The following ARPC1B variants were observed in gnomAD, a reference collection of about 807,000 sequenced individuals.
ARPC1B encodes actin-related protein 2/3 complex subunit 1B.
In ARPC1B, 29 loss-of-function variants were observed where a neutral mutation model predicts 46.0. The observed-to-expected ratio is 0.63, with a 90% CI of 0.47 to 0.86. The LOEUF (loss-of-function observed/expected upper bound fraction) is 0.86, where lower values mean the gene tolerates loss of function less well. Ranked by LOEUF, ARPC1B falls within the 40% of genes least tolerant of loss-of-function variation. The probability of loss-of-function intolerance (pLI) is 0.00; values close to 1 mark genes in which losing one functional copy is unlikely to be tolerated. For missense variants in ARPC1B, 469 were observed against 529.4 expected (o/e 0.89, Z 1.12); for synonymous variants, 201 against 213.9 (o/e 0.94, Z 0.53).
chr7:99,384,761 G>A (rs934947528), intron 1 of ARPC1B, among the ~76,000 whole-genome samples: 3 of 152,018 alleles, frequency 2.0e-5, no homozygotes, highest in South Asian at 2.1e-4. Flanking sequence ...CCTTCTCCCC[G>A]TCTGAGCAGT....
chr7:99,386,828 G>A (rs907646146), intron 3 of ARPC1B, 39 bp downstream of exon 3: 3 of 1,533,980 alleles, frequency 2.0e-6, no homozygotes, highest in Non-Finnish European at 1.8e-6. Flanking sequence ...CTGAAAGGAG[G>A]TGGTGGGTTG....
rs745690290 is a variant in ARPC1B, at chr7:99,388,190, C to A, written c.321C>A (p.Asn107Lys). 1 of 1,614,258 alleles carries A rather than the reference C, an allele frequency of 6.2e-7. No homozygotes were observed. Among genetic ancestry groups the A allele is most frequent in the Middle Eastern group, 1.6e-4 (1 of 6,062 alleles). ...CCCGCTGCGTGCGCTGGGCCCCCAA[C>A]GAGAACAAGTTTGCTGTGGGCAGCG... Reference protein sequence around the residue: ...RAARCVRWAPNENKFAVGSGS... With the variant: ...RAARCVRWAPKENKFAVGSGS... The change falls in exon 4 of 10, where the codon AAC becomes AAA. Residue 107 changes from asparagine (N) to lysine (K), a missense_variant. By Grantham distance (94) the Asn-to-Lys change is moderately conservative. Coordinates refer to ENST00000646101, the MANE Select transcript of ARPC1B (RefSeq NM_005720.4).
intron 1 of ARPC1B, among the ~76,000 whole-genome samples, chr7:99,380,735 T>A (rs1780663549): frequency 6.6e-6 from 1 of 152,174 alleles, no homozygotes; most frequent in Non-Finnish European, 1.5e-5. Context: ...ACAGCAAGAA[T>A]GTGACCACTG....
chr7:99,393,526 A>G (rs1204710709), intron 8 of ARPC1B, among the ~76,000 whole-genome samples: 2 of 151,880 alleles, frequency 1.3e-5, no homozygotes, highest in African/African-American at 4.8e-5. Context: ...GCAGCCTTCT[A>G]TGGATCTAGG....
At chr7:99,387,610 G>A (rs1490930192) in intron 3 of ARPC1B, among the ~76,000 whole-genome samples, 2 of 152,042 alleles carry the variant, frequency 1.3e-5, no homozygotes, top group Admixed American at 6.6e-5. Context: ...GATGGCGGGT[G>A]CCTGTAATCC....
In ARPC1B at chr7:99,378,841, A is replaced by G. The variant is rs1332875839; in HGVS notation, c.-14+4060A>G. Among the ~76,000 whole-genome samples the G allele has an allele frequency of 3.7e-5, 5 of 134,330 alleles. No individual in the cohort carries two copies. In the Admixed American group the frequency reaches 3.9e-4, roughly 10 times the overall value. 88.1% of individuals were successfully genotyped at this position (134,330 alleles called of 152,430 possible). The stretch of plus-strand genomic sequence containing the variant: ...CTCCAGGCTGGAGTGCAGTGGCGCA[A>G]TCTCGGCTCACTGCAAGCTCCGCCT... On this transcript the variant is annotated intron_variant, in intron 1 of 9. Coordinates refer to ENST00000646101, the MANE Select transcript of ARPC1B (RefSeq NM_005720.4).
chr7:99,394,634 G>C lies in ARPC1B; in HGVS notation c.*145G>C. On this transcript the variant is annotated 3_prime_UTR_variant, in exon 10 of 10. Transcript: ENST00000646101. The stretch of plus-strand genomic sequence containing the variant: ...TGCTCCCTCAAAAAGGGAGGGGACA[G>C]ATGGGGAGCTTTTCTTACCTATTCA... 1 of 1,457,440 alleles carries C rather than the reference G, an allele frequency of 6.9e-7. No individual in the cohort carries two copies. Among genetic ancestry groups the C allele is most frequent in the South Asian group, 1.4e-5 (1 of 70,460 alleles). 90.3% of individuals were successfully genotyped at this position (1,457,440 alleles called of 1,614,324 possible).
At chr7:99,377,064 T>A (rs186646110) in intron 1 of ARPC1B, among the ~76,000 whole-genome samples, 36 of 152,296 alleles carry the variant, frequency 2.4e-4, no homozygotes, top group African/African-American at 8.4e-4. Flanking sequence ...CAGGCTATAG[T>A]GCCATGGCTT....
Position 99,388,083 on chromosome 7 carries a change from A to G in ARPC1B, c.214A>G (p.Thr72Ala), listed in dbSNP as rs780725992. The G allele has an allele frequency of 1.9e-6, 3 of 1,613,248 alleles. No homozygotes were observed. The highest frequency in any genetic ancestry group is 3.3e-5 in the Admixed American group (2 of 59,954). The change falls in exon 4 of 10, where the codon ACA becomes GCA. Residue 72 changes from threonine to alanine, a missense_variant. By Grantham distance (58) the Thr-to-Ala change is moderately conservative. Coordinates refer to ENST00000646101, the MANE Select transcript of ARPC1B (RefSeq NM_005720.4). ...GAGTAACCGTATTGTGACCTGCGGC[A>G]CAGACCGCAACGCCTACGTGTGGAC... ...PESNRIVTCG[T>A]DRNAYVWTLK...
Position 99,390,909 on chromosome 7 carries a change from A to G in ARPC1B, c.517A>G (p.Ile173Val). The G allele has an allele frequency of 1.2e-6, 2 of 1,609,766 alleles. No homozygotes were observed. Among genetic ancestry groups the G allele is most frequent in the African/African-American group, 1.3e-5 (1 of 74,992 alleles). The stretch of plus-strand genomic sequence containing the variant: ...TCCCGGTAGGATCTTTTCAGCCTAC[A>G]TCAAGGAGGTGGAGGAACGGCCGGC... The part of the protein sequence containing the change: ...DFKCRIFSAY[I>V]KEVEERPAPT... The change falls in exon 6 of 10, where the codon ATC becomes GTC. Residue 173 changes from isoleucine (I) to valine (V), a missense_variant. Transcript: ENST00000646101.
chr7:99,376,835 A>T (rs1009590805), intron 1 of ARPC1B, among the ~76,000 whole-genome samples: 22 of 148,572 alleles, frequency 1.5e-4, no homozygotes, highest in African/African-American at 5.5e-4. Context: ...ATGCCGTTGC[A>T]CTCCAGCCTG....
Position 99,392,668 on chromosome 7 carries a change from C to A in ARPC1B, c.784-3C>A. The A allele has an allele frequency of 6.6e-7, 1 of 1,512,688 alleles. No homozygotes were observed. The highest frequency in any genetic ancestry group is 8.9e-7 in the Non-Finnish European group (1 of 1,123,806). 93.7% of individuals were successfully genotyped at this position (1,512,688 alleles called of 1,614,324 possible). A position where few individuals can be genotyped will look rare whatever the true frequency, so the allele number is the denominator to read the frequency against. ...GCTCCAATGGCCCCCGCCCTCCGCG[C>A]AGGGCCACGACTGCTTCCCGGTGCT... is the stretch of plus-strand genomic sequence containing the variant. On this transcript the variant is annotated splice_polypyrimidine_tract_variant and splice_region_variant and intron_variant, in intron 7 of 9. Transcript: ENST00000646101.
chr7:99,377,803 T>C (rs1223420238), intron 1 of ARPC1B, among the ~76,000 whole-genome samples: 2 of 151,532 alleles, frequency 1.3e-5, no homozygotes, highest in African/African-American at 4.9e-5. Context: ...CCCAGATAAA[T>C]TTTGTATTTT....
intron 5 of ARPC1B, among the ~76,000 whole-genome samples, chr7:99,390,354 G>A (rs1794531660): frequency 1.3e-5 from 2 of 151,250 alleles, no homozygotes; most frequent in South Asian, 2.1e-4. Context: ...AGACTACCAC[G>A]CCCAGCTAGA....
chr7:99,390,742 A>G, intron 5 of ARPC1B, 151 bp from the exon 6 acceptor site: 1 of 646,396 alleles, frequency 1.5e-6, no homozygotes, highest in Non-Finnish European at 2.6e-6. Flanking sequence ...CTGTTGCCCA[A>G]ACTGGAGCAC....
At chr7:99,382,869 G>C (rs1794270872) in intron 1 of ARPC1B, among the ~76,000 whole-genome samples, 1 of 121,106 alleles carries the variant, frequency 8.3e-6, no homozygotes, top group African/African-American at 3.4e-5. Context: ...TTTTGAGACA[G>C]AGTCTTGCTC....
intron 5 of ARPC1B, 52 bp from the exon 6 acceptor site, chr7:99,390,841 G>T: frequency 6.6e-7 from 1 of 1,515,452 alleles, no homozygotes. Context: ...GAGAGTACAG[G>T]TGCGCACCAC....
In ARPC1B at chr7:99,378,774, C is replaced by CTTTTTTT. The variant is rs761084621; in HGVS notation, c.-14+4007_-14+4013dup. 1.1e-3 allele frequency among the ~76,000 whole-genome samples: 121 copies of CTTTTTTT among 106,520 alleles called. 1 individual carries two copies. The highest frequency in any genetic ancestry group is 1.4e-3 in the Non-Finnish European group (80 of 57,374). The allele number at this position is 106,520 out of a possible 152,430, so 69.9% of individuals were successfully genotyped here. ...ACCAAAGAATGTTAATTTTCTTTTT[C>CTTTTTTT]TTTTTTTTTTTTTTTTTTTTGAGAT... On this transcript the variant is annotated intron_variant, in intron 1 of 9. Transcript: ENST00000646101.
chr7:99,394,591 A>T lies in ARPC1B; in HGVS notation c.*102A>T. 4 of 1,586,062 alleles carry T rather than the reference A, an allele frequency of 2.5e-6. No homozygotes were observed. Among genetic ancestry groups the T allele is most frequent in the Non-Finnish European group, 3.4e-6 (4 of 1,165,514 alleles). ...TGCTGAATGTTTCTGGGGTACCAAT[A>T]CGAGTTCCCATAGGGGCTGCTCCCT... On this transcript the variant is annotated 3_prime_UTR_variant, in exon 10 of 10. Transcript: ENST00000646101.
Sources: allele counts gnomAD v4.1 joint callset (sites outside exome capture counted in the v4.1 genomes callset), GRCh38; gene constraint gnomAD v4.1.1; transcripts MANE v1.5; gene names NCBI Gene and HGNC (gene_info 2026-07-23, HGNC 2026-07-21).